Variants in PARN observed in about 807,000 individuals in gnomAD.
The protein encoded by PARN is poly(A)-specific ribonuclease PARN.
Under a neutral mutation model 102.8 loss-of-function variants are expected in PARN, and 71 were observed. The observed-to-expected ratio is 0.69, with a 90% CI of 0.57 to 0.84. The LOEUF is 0.84. Ranked by LOEUF, PARN falls within the 40% of genes least tolerant of loss-of-function variation. PARN has a pLI of 0.00. For synonymous variants in PARN, 261 were observed against 252.9 expected, an observed-to-expected ratio of 1.03 and a Z score of -0.30; for missense variants, 782 against 760.9, an observed-to-expected ratio of 1.03 and a Z score of -0.33.
intron 21 of PARN, among the ~76,000 whole-genome samples, chr16:14,514,899 G>A (rs1567338167): frequency 6.6e-6 from 1 of 152,194 alleles, no homozygotes; most frequent in African/African-American, 2.4e-5. Flanking sequence ...AAATAAGGCT[G>A]CACGGGGAAG....
chr16:14,565,712 C>T (rs1003194461), intron 18 of PARN, among the ~76,000 whole-genome samples: 17 of 152,214 alleles, frequency 1.1e-4, no homozygotes, highest in African/African-American at 4.1e-4. Flanking sequence ...CCAACTACAG[C>T]ATTGTCCCTT....
At chr16:14,621,991 G>T (rs990604964) in intron 5 of PARN, among the ~76,000 whole-genome samples, 1 of 151,910 alleles carries the variant, frequency 6.6e-6, no homozygotes, top group East Asian at 1.9e-4. Flanking sequence ...TCAGGAATTC[G>T]TGACCAGACT....
chr16:14,601,460 T>C (rs1301784125), intron 11 of PARN, among the ~76,000 whole-genome samples: 1 of 151,990 alleles, frequency 6.6e-6, no homozygotes, highest in African/African-American at 2.4e-5. Context: ...GGGTGGGAGA[T>C]GGAGAGCTGC....
intron 21 of PARN, among the ~76,000 whole-genome samples, chr16:14,523,408 T>A (rs1199411425): frequency 6.6e-6 from 1 of 152,182 alleles, no homozygotes; most frequent in Non-Finnish European, 1.5e-5. Flanking sequence ...GTGGCACATT[T>A]ACAAAACCTG....
At chr16:14,532,898 G>A (rs1966428404) in intron 21 of PARN, among the ~76,000 whole-genome samples, 1 of 147,146 alleles carries the variant, frequency 6.8e-6, no homozygotes, top group Non-Finnish European at 1.5e-5. Context: ...AGCTGGCCGG[G>A]AGAGGGGCTC....
intron 21 of PARN, among the ~76,000 whole-genome samples, chr16:14,488,147 G>A (rs1357739071): frequency 6.6e-6 from 1 of 152,088 alleles, no homozygotes; most frequent in African/African-American, 2.4e-5. Flanking sequence ...TGACAGAACT[G>A]CCTGGAAAAG....
intron 22 of PARN, among the ~76,000 whole-genome samples, chr16:14,477,592 A>G (rs897358212): frequency 6.6e-6 from 1 of 151,746 alleles, no homozygotes; most frequent in Non-Finnish European, 1.5e-5. Flanking sequence ...CCTGGCCAAC[A>G]TGGTGAAACC....
intron 22 of PARN, among the ~76,000 whole-genome samples, chr16:14,465,742 G>T (rs1187488792): frequency 6.6e-6 from 1 of 152,168 alleles, no homozygotes. Flanking sequence ...AACAAAGTTG[G>T]AGGAAGGCTG....
intron 22 of PARN, among the ~76,000 whole-genome samples, chr16:14,457,086 A>C (rs1003203659): frequency 2.0e-5 from 3 of 152,190 alleles, no homozygotes; most frequent in African/African-American, 7.2e-5. Context: ...AAATAAGTGA[A>C]AGCTACCTCC....
rs143262994 is a variant in PARN, at chr16:14,551,426, G to A, written c.1480+595C>T. Among the ~76,000 whole-genome samples the A allele has an allele frequency of 1.6e-4, 25 of 151,764 alleles. No individual in the cohort carries two copies. In the East Asian group the frequency reaches 2.6e-3, roughly 15 times the overall value. ...TCTACTAAAAATACAAAAATTAGCC[G>A]GGTATCATGTTGCGCGCCTGTAATC... On this transcript the variant is annotated intron_variant, in intron 21 of 23. Transcript: ENST00000437198.
chr16:14,521,802 CAA>C (rs747428935), intron 21 of PARN, among the ~76,000 whole-genome samples: 2 of 136,998 alleles, frequency 1.5e-5, no homozygotes. Context: ...AACTCCATCT[CAA>C]AAAAAAAAAA....
At chr16:14,516,871 T>C (rs1244733854) in intron 21 of PARN, among the ~76,000 whole-genome samples, 1 of 152,156 alleles carries the variant, frequency 6.6e-6, no homozygotes, top group African/African-American at 2.4e-5. Context: ...ACAATGTAAA[T>C]ATGGTATAAT....
intron 21 of PARN, among the ~76,000 whole-genome samples, chr16:14,487,319 C>T (rs1963766719): frequency 6.6e-6 from 1 of 152,186 alleles, no homozygotes; most frequent in Admixed American, 6.5e-5. Context: ...CACATGCCTG[C>T]TGTGTATTTA....
chr16:14,480,787 A>G (rs547558748), intron 22 of PARN, among the ~76,000 whole-genome samples: 41 of 152,206 alleles, frequency 2.7e-4, no homozygotes, highest in African/African-American at 9.9e-4. Context: ...CTAAAAATAC[A>G]AAAATTAACC....
chr16:14,532,530 GT>G (rs34608307), intron 21 of PARN, among the ~76,000 whole-genome samples: 42,393 of 151,736 alleles, frequency 0.28, 6,774 homozygotes, highest in South Asian at 0.39. Flanking sequence ...ATTTTTCTTA[GT>G]ACAGAGCAAA....
chr16:14,482,769 C>T lies in PARN; in HGVS notation c.1539G>A (p.Met513Ile), dbSNP rs1301681511. The T allele has an allele frequency of 1.2e-6, 2 of 1,613,810 alleles. No individual in the cohort carries two copies. Among genetic ancestry groups the T allele is most frequent in the East Asian group, 2.2e-5 (1 of 44,878 alleles). The stretch of plus-strand genomic sequence containing the variant: ...TCTGCTTCTCTTCCTGTTTTCTCCC[C>T]ATATATTCAGCATAGGTTTGGATCC... ...SYRIQTYAEY[M>I]GRKQEEKQIK... Residue 513 changes from methionine (M) to isoleucine (I), a missense_variant, in exon 22 of 24, where the codon ATG becomes ATA. Physicochemically the swap from Met to Ile is conservative, Grantham distance 10. Coordinates refer to ENST00000437198, the MANE Select transcript of PARN (RefSeq NM_002582.4).
chr16:14,441,364 T>C (rs1431858107), intron 23 of PARN, among the ~76,000 whole-genome samples: 1 of 152,204 alleles, frequency 6.6e-6, no homozygotes, highest in African/African-American at 2.4e-5. Flanking sequence ...TTTACCTAAC[T>C]GGAGTTGAAA....
intron 6 of PARN, among the ~76,000 whole-genome samples, chr16:14,616,346 G>T (rs116183118): frequency 0.041 from 6,203 of 152,240 alleles, 144 homozygotes; most frequent in African/African-American, 0.05. Context: ...CCTTCCTCAG[G>T]TGCTCCCCAG....
At chr16:14,625,785 A>G (rs537863865) in intron 5 of PARN, among the ~76,000 whole-genome samples, 33 of 152,244 alleles carry the variant, frequency 2.2e-4, no homozygotes, top group Non-Finnish European at 4.3e-4. Context: ...TCATAACTGC[A>G]TTACCATTAA....
Sources: gnomAD v4.1 joint callset for allele counts (sites outside exome capture counted in the v4.1 genomes callset) on GRCh38, gnomAD v4.1.1 for gene constraint, MANE v1.5 for transcripts, NCBI Gene and HGNC (gene_info 2026-07-23, HGNC 2026-07-21) for gene names.